IL1R2: variants seen among roughly 807,000 people sequenced by gnomAD.
The protein encoded by IL1R2 is interleukin 1 receptor type 2.
In IL1R2, 46 loss-of-function variants were observed where a neutral mutation model predicts 39.5. The observed-to-expected ratio is 1.16, with a 90% CI of 0.92 to 1.49. IL1R2 has a LOEUF of 1.49. IL1R2 is among the 40% of genes most tolerant of loss of function. The probability of loss-of-function intolerance (pLI) is 0.00; values close to 1 mark genes in which losing one functional copy is unlikely to be tolerated. For missense variants in IL1R2, 537 were observed against 502.0 expected (o/e 1.07, Z -0.67); for synonymous variants, 207 against 189.6 (o/e 1.09, Z -0.75).
At chr2:102,005,131 T>C (rs1425667660) in intron 1 of IL1R2, among the ~76,000 whole-genome samples, 1 of 152,234 alleles carries the variant, frequency 6.6e-6, no homozygotes, top group Non-Finnish European at 1.5e-5. Context: ...TACTGACTGA[T>C]CCTGAATGGC....
rs201321487 is a variant in IL1R2 at position 102,016,030 on chromosome 2, C to T, written c.492C>T (p.Asp164=). The change falls in exon 4 of 9, where the codon GAC becomes GAT. Residue 164 remains aspartate (D), a synonymous_variant. Transcript: ENST00000332549. Reference sequence around the variant, plus strand: ...GTGAATTCACCCGTGACAAAACTGACGTGAAGATTCAATGGTACAAGGTAC... The same window carrying T: ...GTGAATTCACCCGTGACAAAACTGATGTGAAGATTCAATGGTACAAGGTAC... ...DLSEFTRDKT[D]VKIQWYKDSL... 86 of 1,613,486 alleles carry T rather than the reference C, an allele frequency of 5.3e-5. 1 individual carries two copies. The highest frequency in any genetic ancestry group is 5.0e-4 in the Middle Eastern group (3 of 6,060).
chr2:102,024,738 TATGACCCACATACCAC>T, intron 7 of IL1R2, 70 bp downstream of exon 7: 1 of 1,596,664 alleles, frequency 6.3e-7, no homozygotes, highest in Admixed American at 1.7e-5. Context: ...CAGTTATCAC[TATGACCCACATACCAC>T]ATTAAAAGTT....
At chr2:102,006,306 G>C (rs942934016) in intron 1 of IL1R2, among the ~76,000 whole-genome samples, 4 of 152,214 alleles carry the variant, frequency 2.6e-5, no homozygotes, top group Non-Finnish European at 5.9e-5. Flanking sequence ...TAGGGGTAAA[G>C]TCACAGGAAC....
At chr2:102,003,081 T>C (rs1323457340) in intron 1 of IL1R2, among the ~76,000 whole-genome samples, 1 of 118,334 alleles carries the variant, frequency 8.5e-6, no homozygotes, top group African/African-American at 2.6e-5. Context: ...TGTGGCTGTG[T>C]CCGTGTCTGT....
In IL1R2 at chr2:101,997,970, C is replaced by T. The variant is rs1364284520; in HGVS notation, c.-62+5959C>T. ...ACTTCCTACCAGGAAGGAACTTCCC[C>T]TGCATCATATTCACTTCCTTTCCTC... is the stretch of plus-strand genomic sequence containing the variant. On this transcript the variant is annotated intron_variant, in intron 1 of 8. Coordinates refer to ENST00000332549, the MANE Select transcript of IL1R2 (RefSeq NM_004633.4). Among the ~76,000 whole-genome samples, 10 of 152,192 alleles carry T rather than the reference C, an allele frequency of 6.6e-5. No individual in the cohort carries two copies. The East Asian group carries it at 1.9e-3, about 29-fold the overall frequency.
intron 1 of IL1R2, among the ~76,000 whole-genome samples, chr2:102,006,507 C>G (rs540436835): frequency 1.3e-5 from 2 of 152,274 alleles, no homozygotes; most frequent in South Asian, 2.1e-4. Flanking sequence ...GTGCGAGGGT[C>G]GGTTCCTCAA....
intron 3 of IL1R2, among the ~76,000 whole-genome samples, chr2:102,013,554 G>GAAAAAAAAAAAAAAAAAAAAAA (rs1577711343): frequency 3.2e-5 from 1 of 31,680 alleles, no homozygotes; most frequent in Admixed American, 3.6e-4. Flanking sequence ...AAAAAAAAAG[G>GAAAAAAAAAAAAAAAAAAAAAA]AAAGAAAGAA....
At chr2:102,024,886 T>C in intron 7 of IL1R2, 2 of 518,646 alleles carry the variant, frequency 3.9e-6, no homozygotes, top group South Asian at 3.0e-5. Flanking sequence ...GTTGACATGT[T>C]GGTATTGATG....
chr2:102,017,233 A>C (rs1397580542), intron 4 of IL1R2, among the ~76,000 whole-genome samples: 1 of 151,882 alleles, frequency 6.6e-6, no homozygotes, highest in Non-Finnish European at 1.5e-5. Context: ...CCCCATCTCT[A>C]CTAAAAATAA....
chr2:102,024,210 G>A (rs912696489), intron 6 of IL1R2, among the ~76,000 whole-genome samples: 1 of 152,138 alleles, frequency 6.6e-6, no homozygotes, highest in Admixed American at 6.5e-5. Context: ...GATTTTCTGA[G>A]GTAACTGAAG....
intron 5 of IL1R2, among the ~76,000 whole-genome samples, chr2:102,020,700 G>C (rs1056436371): frequency 6.6e-6 from 1 of 152,204 alleles, no homozygotes; most frequent in Non-Finnish European, 1.5e-5. Context: ...GTTCATATCA[G>C]CTCCTTGCTT....
rs1254136130 is a variant in IL1R2 at position 102,028,495 on chromosome 2, C to T, written c.*103C>T. The T allele has an allele frequency of 5.2e-6, 5 of 962,804 alleles. No homozygotes were observed. The highest frequency in any genetic ancestry group is 6.0e-6 in the Non-Finnish European group (4 of 672,052). The allele number at this position is 962,804 out of a possible 1,614,324, so 59.6% of individuals were successfully genotyped here. A position where few individuals can be genotyped will look rare whatever the true frequency, so the allele number is the denominator to read the frequency against. On this transcript the variant is annotated 3_prime_UTR_variant, in exon 9 of 9. Transcript: ENST00000332549. The stretch of plus-strand genomic sequence containing the variant: ...CTCTGTTCTTTGCCTCAGTTGTCTA[C>T]CAAAGGTGCCACATTTATAGTGGCT...
At chr2:102,027,074 C>A (rs184428996) in intron 8 of IL1R2, among the ~76,000 whole-genome samples, 1 of 152,204 alleles carries the variant, frequency 6.6e-6, no homozygotes, top group Non-Finnish European at 1.5e-5. Flanking sequence ...TCCAACTGTG[C>A]GCTGTGCACC....
intron 1 of IL1R2, among the ~76,000 whole-genome samples, chr2:102,000,138 C>A (rs1038975153): frequency 6.6e-6 from 1 of 152,246 alleles, no homozygotes; most frequent in Admixed American, 6.5e-5. Context: ...TGTCCTTGAG[C>A]AAGCTCCTTA....
chr2:102,020,217 C>A (rs1023640675), intron 5 of IL1R2, among the ~76,000 whole-genome samples: 1 of 152,190 alleles, frequency 6.6e-6, no homozygotes, highest in African/African-American at 2.4e-5. Flanking sequence ...GTATTCTAAC[C>A]AGAGAGCTAG....
intron 1 of IL1R2, among the ~76,000 whole-genome samples, chr2:101,994,257 C>A (rs1030161668): frequency 2.6e-5 from 4 of 152,134 alleles, no homozygotes; most frequent in Non-Finnish European, 5.9e-5. Flanking sequence ...CACTCCCACC[C>A]CGACCTCCAA....
In IL1R2 at chr2:102,009,642, T is replaced by G. The variant is rs771059282; in HGVS notation, c.148T>G (p.Cys50Gly). 12 of 1,614,138 alleles carry G rather than the reference T, an allele frequency of 7.4e-6. No individual in the cohort carries two copies. The highest frequency in any genetic ancestry group is 3.3e-5 in the Admixed American group (2 of 60,030). ...RLEGEPVALR[C>G]PQVPYWLWAS... ...GGAAGGGGAGCCTGTAGCCCTGAGG[T>G]GCCCCCAGGTGCCCTACTGGTTGTG... Residue 50 changes from cysteine to glycine, a missense_variant, in exon 3 of 9, where the codon TGC becomes GGC. Transcript: ENST00000332549.
rs1241422355 is a variant in IL1R2, at chr2:102,019,813, G to C, written c.688+1G>C. 6.2e-7 allele frequency: 1 copy of C among 1,612,308 alleles called. No homozygotes were observed. Among genetic ancestry groups the C allele is most frequent in the Non-Finnish European group, 8.5e-7 (1 of 1,179,130 alleles). On this transcript the variant is annotated splice_donor_variant, in intron 5 of 8. Transcript: ENST00000332549. LOFTEE classifies it high-confidence loss of function. ...AGGAGTATTGAGCTACGCATCAAGA[G>C]TAAGTACTTGCCATTGAGGCACCTA...
chr2:102,002,156 A>C (rs1009866681), intron 1 of IL1R2: 9 of 152,248 alleles, frequency 5.9e-5, no homozygotes, highest in African/African-American at 2.2e-4. Context: ...GCTATCGTTT[A>C]CTTACTAGTT....
Sources: allele counts gnomAD v4.1 joint callset (sites outside exome capture counted in the v4.1 genomes callset), GRCh38; gene constraint gnomAD v4.1.1; transcripts MANE v1.5; gene names NCBI Gene and HGNC (gene_info 2026-07-23, HGNC 2026-07-21).